DNAH12: variants seen among roughly 807,000 people sequenced by gnomAD.
The protein encoded by DNAH12 is dynein axonemal heavy chain 12.
A neutral mutation model predicts 371.5 loss-of-function variants in DNAH12; 285 were observed. The ratio of observed to expected loss-of-function variants is 0.77; its 90% CI spans 0.70 to 0.85. The LOEUF (loss-of-function observed/expected upper bound fraction) is 0.85. DNAH12 is among the 40% of genes least tolerant of loss of function. DNAH12 has a pLI of 0.00. For synonymous variants in DNAH12, 1,200 were observed against 1,213.0 expected (o/e 0.99, Z 0.22); for missense variants, 3,611 against 3,689.4 (o/e 0.98, Z 0.55).
At chr3:57,384,764 G>C (rs1427255940) in intron 49 of DNAH12, 65 bp downstream of exon 49, 1 of 152,128 alleles carries the variant, frequency 6.6e-6, no homozygotes, top group Non-Finnish European at 1.5e-5. Flanking sequence ...TTTCTAATAA[G>C]CCAAATACCC....
chr3:57,338,506 C>T (rs1443523278), intron 60 of DNAH12, among the ~76,000 whole-genome samples: 1 of 151,144 alleles, frequency 6.6e-6, no homozygotes, highest in Non-Finnish European at 1.5e-5. Flanking sequence ...AGTGCCTCTG[C>T]CCGGCCGCCC....
At chr3:57,306,076 C>G (rs1027722046) in intron 69 of DNAH12, among the ~76,000 whole-genome samples, 1 of 152,186 alleles carries the variant, frequency 6.6e-6, no homozygotes, top group Non-Finnish European at 1.5e-5. Flanking sequence ...CTGGCAGCCA[C>G]TCCCAGAGCC....
chr3:57,456,038 T>C (rs2065894119), intron 22 of DNAH12, among the ~76,000 whole-genome samples: 1 of 152,180 alleles, frequency 6.6e-6, no homozygotes, highest in Non-Finnish European at 1.5e-5. Flanking sequence ...GATATCAGTA[T>C]TATTATAAAA....
At chr3:57,348,397 G>A (rs1323181891) in intron 60 of DNAH12, among the ~76,000 whole-genome samples, 1 of 152,138 alleles carries the variant, frequency 6.6e-6, no homozygotes, top group Non-Finnish European at 1.5e-5. Flanking sequence ...GATTTTTAGA[G>A]CAGTGAAACT....
chr3:57,540,803 G>A lies in DNAH12; in HGVS notation c.170+1898C>T, dbSNP rs570529185. Among the ~76,000 whole-genome samples the A allele has an allele frequency of 4.6e-5, 7 of 151,972 alleles. No individual in the cohort carries two copies. In the South Asian group the frequency reaches 1.0e-3, roughly 23 times the overall value. On this transcript the variant is annotated intron_variant, in intron 2 of 73. Transcript: ENST00000495027. ...AAATTAGCCAGGTGTGGTGGTGTAC[G>A]CCTGTAGTCCCAGCCACTTGAGAGG...
chr3:57,293,702 GGTTTTATAATGTATATATTTTAA>G lies in DNAH12; in HGVS notation c.*56_*78del. ...TTAAAAGAATAACACCAAAACACTT[GGTTTTATAATGTATATATTTTAA>G]GTAGGACAGGTTTTTTTTTTTTTAA... On this transcript the variant is annotated 3_prime_UTR_variant, in exon 74 of 74. Coordinates refer to ENST00000495027, the MANE Select transcript of DNAH12 (RefSeq NM_001366028.2). The G allele has an allele frequency of 7.3e-7, 1 of 1,367,112 alleles. No individual in the cohort carries two copies. Among genetic ancestry groups the G allele is most frequent in the Non-Finnish European group, 9.9e-7 (1 of 1,014,526 alleles). 84.7% of individuals were successfully genotyped at this position (1,367,112 alleles called of 1,614,324 possible).
chr3:57,344,190 G>C (rs1477121326), intron 60 of DNAH12, among the ~76,000 whole-genome samples: 1 of 141,672 alleles, frequency 7.1e-6, no homozygotes, highest in Non-Finnish European at 1.6e-5. Flanking sequence ...ACCCACAGGT[G>C]TGGAGGGGCA....
chr3:57,424,905 T>C (rs2064714630), intron 35 of DNAH12, 117 bp downstream of exon 35: 1 of 567,820 alleles, frequency 1.8e-6, no homozygotes, highest in Non-Finnish European at 3.1e-6. Flanking sequence ...CCAGCTATTC[T>C]TTCAATGCTC....
intron 57 of DNAH12, among the ~76,000 whole-genome samples, chr3:57,366,281 G>A (rs2063049892): frequency 6.6e-6 from 1 of 152,110 alleles, no homozygotes. Flanking sequence ...TCTAAAAAAG[G>A]GAAGCATAAA....
At chr3:57,472,487 T>A in intron 14 of DNAH12, 59 bp downstream of exon 14, 1 of 1,511,652 alleles carries the variant, frequency 6.6e-7, no homozygotes, top group Non-Finnish European at 8.9e-7. Flanking sequence ...GAAAATTAAA[T>A]GTGAATGATG....
At chr3:57,378,001 TG>T (rs1228502865) in intron 52 of DNAH12, among the ~76,000 whole-genome samples, 2 of 152,132 alleles carry the variant, frequency 1.3e-5, no homozygotes, top group African/African-American at 4.8e-5. Flanking sequence ...GAGAGAGCAG[TG>T]TATCAGACAC....
At chr3:57,458,050 C>A in intron 21 of DNAH12, 47 bp from the exon 22 acceptor site, 3 of 1,537,128 alleles carry the variant, frequency 2.0e-6, no homozygotes, top group South Asian at 1.2e-5. Context: ...TAATTCATCA[C>A]ACATAAGAAA....
intron 29 of DNAH12, among the ~76,000 whole-genome samples, chr3:57,439,025 G>A (rs1392491687): frequency 1.3e-5 from 2 of 151,228 alleles, no homozygotes; most frequent in Non-Finnish European, 2.9e-5. Flanking sequence ...TCTCTACAAG[G>A]AGAACTACAA....
intron 2 of DNAH12, among the ~76,000 whole-genome samples, chr3:57,541,519 C>A (rs565969244): frequency 1.3e-5 from 2 of 151,988 alleles, no homozygotes; most frequent in South Asian, 4.2e-4. Flanking sequence ...GCATGCCCCA[C>A]CACACCTGGC....
chr3:57,356,824 C>CCA (rs1243793605), intron 59 of DNAH12, among the ~76,000 whole-genome samples: 2 of 152,072 alleles, frequency 1.3e-5, no homozygotes, highest in East Asian at 1.9e-4. Flanking sequence ...ACTGCAACAT[C>CCA]CACCTCCTGA....
chr3:57,310,853 C>A lies in DNAH12; in HGVS notation c.10760G>T (p.Arg3587Ile). The part of the protein sequence containing the change: ...YGGRVTDDWD[R>I]RLLLTMLADF... ...AGCCAGCATGGTTAATAGAAGACGTCTGTCCCAATCGTCTGTCACTCTTCC... is the reference window on the plus strand; with the variant it reads ...AGCCAGCATGGTTAATAGAAGACGTATGTCCCAATCGTCTGTCACTCTTCC... The change falls in exon 67 of 74, where the codon AGA becomes ATA. Residue 3587 changes from arginine (R) to isoleucine (I), a missense_variant. By Grantham distance (97) the Arg-to-Ile change is moderately conservative. Coordinates refer to ENST00000495027, the MANE Select transcript of DNAH12 (RefSeq NM_001366028.2). The A allele has an allele frequency of 6.4e-7, 1 of 1,551,438 alleles. No individual in the cohort carries two copies. The highest frequency in any genetic ancestry group is 1.4e-5 in the African/African-American group (1 of 73,186).
intron 25 of DNAH12, among the ~76,000 whole-genome samples, chr3:57,448,159 T>G (rs1160860653): frequency 1.3e-5 from 2 of 152,230 alleles, no homozygotes; most frequent in African/African-American, 4.8e-5. Context: ...ACTTCAAGAA[T>G]GAAGCCGCGG....
intron 38 of DNAH12, among the ~76,000 whole-genome samples, chr3:57,414,416 G>C (rs2064301253): frequency 6.6e-6 from 1 of 151,892 alleles, no homozygotes; most frequent in Non-Finnish European, 1.5e-5. Context: ...TTTAGATTCA[G>C]GGAGTACACA....
intron 59 of DNAH12, among the ~76,000 whole-genome samples, chr3:57,352,946 A>C (rs1414708700): frequency 6.6e-6 from 1 of 151,886 alleles, no homozygotes; most frequent in Non-Finnish European, 1.5e-5. Context: ...AAAATTAGCC[A>C]GGGGTGGTGG....
Sources: allele counts gnomAD v4.1 joint callset (sites outside exome capture counted in the v4.1 genomes callset), GRCh38; gene constraint gnomAD v4.1.1; transcripts MANE v1.5; gene names NCBI Gene and HGNC (gene_info 2026-07-23, HGNC 2026-07-21).